NRXN1: variants seen among roughly 807,000 people sequenced by gnomAD.
The protein encoded by NRXN1 is neurexin-1.
NRXN1 carries 39 observed loss-of-function variants against 150.9 expected under a neutral mutation model. The ratio of observed to expected loss-of-function variants is 0.26; its 90% CI spans 0.20 to 0.34. NRXN1 has a LOEUF of 0.34. Among genes scored for constraint, NRXN1 ranks in the 10% least tolerant of loss-of-function variants. The pLI is 1.00. For missense variants in NRXN1, 1,815 were observed against 1,949.9 expected (o/e 0.93, Z 1.30); for synonymous variants, 924 against 757.0 (o/e 1.22, Z -3.62).
At chr2:50,354,398 T>C (rs774129409) in intron 17 of NRXN1, among the ~76,000 whole-genome samples, 14 of 151,864 alleles carry the variant, frequency 9.2e-5, no homozygotes, top group Non-Finnish European at 1.6e-4. Flanking sequence ...GGGCAGGTTA[T>C]TTAAGCTCAG....
intron 18 of NRXN1, among the ~76,000 whole-genome samples, chr2:50,230,560 A>G (rs1045296374): frequency 2.0e-5 from 3 of 152,200 alleles, no homozygotes; most frequent in African/African-American, 7.2e-5. Context: ...AGGATAGCTG[A>G]GAAAGTGAGG....
At chr2:50,871,616 G>T (rs928878221) in intron 5 of NRXN1, among the ~76,000 whole-genome samples, 35 of 151,894 alleles carry the variant, frequency 2.3e-4, no homozygotes, top group African/African-American at 8.2e-4. Flanking sequence ...CTGCTATATT[G>T]TTTCTAATTT....
chr2:50,639,202 T>TTTTCTTTC (rs748620258), intron 5 of NRXN1, among the ~76,000 whole-genome samples: 1,998 of 127,840 alleles, frequency 0.016, 23 homozygotes, highest in Admixed American at 0.023. Context: ...TTTATCATTT[T>TTTTCTTTC]TTTCTTTCTT....
intron 21 of NRXN1, among the ~76,000 whole-genome samples, chr2:50,007,727 T>C (rs112741007): frequency 0.1 from 15,684 of 151,282 alleles, 847 homozygotes; most frequent in Middle Eastern, 0.21. Context: ...GAATGATTTA[T>C]AATCCTTTGG....
chr2:50,165,035 A>C (rs1430778127), intron 18 of NRXN1, among the ~76,000 whole-genome samples: 1 of 152,056 alleles, frequency 6.6e-6, no homozygotes. Context: ...CTCTCCAAAC[A>C]ATCTATCCTA....
chr2:50,106,477 G>A (rs1339565032), intron 18 of NRXN1, among the ~76,000 whole-genome samples: 2 of 151,940 alleles, frequency 1.3e-5, no homozygotes, highest in African/African-American at 2.4e-5. Flanking sequence ...ACTGCAATTA[G>A]CAATTAACAA....
chr2:50,495,019 A>G (rs983003884), intron 15 of NRXN1, among the ~76,000 whole-genome samples: 2 of 150,714 alleles, frequency 1.3e-5, no homozygotes, highest in African/African-American at 4.9e-5. Context: ...TGACGGAGCA[A>G]GACTCTGTCT....
intron 17 of NRXN1, among the ~76,000 whole-genome samples, chr2:50,260,689 C>T (rs1360873502): frequency 2.2e-5 from 3 of 137,988 alleles, no homozygotes; most frequent in Non-Finnish European, 4.6e-5. Flanking sequence ...AGATTAGTCA[C>T]AGACCTAACC....
intron 21 of NRXN1, among the ~76,000 whole-genome samples, chr2:50,016,062 GA>G (rs1415397876): frequency 1.3e-5 from 2 of 151,900 alleles, no homozygotes; most frequent in South Asian, 4.1e-4. Flanking sequence ...TGTAGAACAT[GA>G]AAAAAAGAAG....
intron 15 of NRXN1, among the ~76,000 whole-genome samples, chr2:50,493,881 A>G (rs559927944): frequency 6.6e-6 from 1 of 152,330 alleles, no homozygotes; most frequent in South Asian, 2.1e-4. Context: ...TCATTACTAT[A>G]TATCTTAATA....
chr2:50,357,858 T>C lies in NRXN1; in HGVS notation c.3364+107584A>G, dbSNP rs1434591052. Among the ~76,000 whole-genome samples, 9 of 152,168 alleles carry C rather than the reference T, an allele frequency of 5.9e-5. 1 individual carries two copies. The highest frequency in any genetic ancestry group is 4.6e-4 in the Admixed American group (7 of 15,278). On this transcript the variant is annotated intron_variant, in intron 17 of 22. Transcript: ENST00000401669. ...ACCAATTCAGAAGGCAGGTGATTTCTGCATTTTCAACTAAGGTACCTGGTT... is the reference window on the plus strand; with the variant it reads ...ACCAATTCAGAAGGCAGGTGATTTCCGCATTTTCAACTAAGGTACCTGGTT...
intron 21 of NRXN1, among the ~76,000 whole-genome samples, chr2:50,001,458 G>A (rs1263865881): frequency 2.6e-5 from 4 of 151,954 alleles, no homozygotes; most frequent in Non-Finnish European, 4.4e-5. Flanking sequence ...CATTTAGGGG[G>A]TATATAAAAG....
chr2:50,296,975 C>T (rs549639975), intron 17 of NRXN1, among the ~76,000 whole-genome samples: 7 of 150,838 alleles, frequency 4.6e-5, no homozygotes, highest in East Asian at 3.9e-4. Context: ...CTCCGTCTCC[C>T]GGGTTCAAGC....
chr2:50,469,475 T>C (rs2089252458), intron 16 of NRXN1, among the ~76,000 whole-genome samples: 1 of 151,576 alleles, frequency 6.6e-6, no homozygotes, highest in Non-Finnish European at 1.5e-5. Flanking sequence ...ATACCAAACA[T>C]ATGCTAAGTA....
chr2:49,981,396 G>A (rs1679963663), intron 21 of NRXN1, among the ~76,000 whole-genome samples: 1 of 151,978 alleles, frequency 6.6e-6, no homozygotes, highest in Admixed American at 6.6e-5. Context: ...GAATGAAGGG[G>A]AGGGAGGGAA....
At chr2:50,772,522 A>G (rs1017665127) in intron 5 of NRXN1, among the ~76,000 whole-genome samples, 2 of 152,028 alleles carry the variant, frequency 1.3e-5, no homozygotes, top group Admixed American at 6.6e-5. Context: ...AAAAAATTGT[A>G]CAAAGGAGTT....
At chr2:50,119,387 A>T (rs559250802) in intron 18 of NRXN1, among the ~76,000 whole-genome samples, 15 of 152,202 alleles carry the variant, frequency 9.9e-5, no homozygotes, top group Non-Finnish European at 1.6e-4. Flanking sequence ...ATGTAAGGAG[A>T]TACGTAAGTG....
intron 13 of NRXN1, among the ~76,000 whole-genome samples, chr2:50,503,524 GA>G (rs1417589157): frequency 2.7e-5 from 4 of 149,192 alleles, no homozygotes; most frequent in African/African-American, 9.9e-5. Context: ...AGAAAAAAAG[GA>G]AGGGAGGAAG....
At chr2:49,938,354 A>T (rs1671408008) in intron 22 of NRXN1, among the ~76,000 whole-genome samples, 2 of 152,168 alleles carry the variant, frequency 1.3e-5, no homozygotes, top group South Asian at 4.1e-4. Context: ...ATAAATCTTC[A>T]CCAAATACTA....
Sources: allele counts gnomAD v4.1 joint callset (sites outside exome capture counted in the v4.1 genomes callset), GRCh38; gene constraint gnomAD v4.1.1; transcripts MANE v1.5; gene names NCBI Gene and HGNC (gene_info 2026-07-23, HGNC 2026-07-21).